Variants in FAM135B observed in about 807,000 individuals in gnomAD.
FAM135B encodes protein FAM135B.
In FAM135B, 43 loss-of-function variants were observed where a neutral mutation model predicts 127.7. The observed-to-expected ratio is 0.34, with a 90% CI of 0.26 to 0.43. The LOEUF is 0.43. Among genes scored for constraint, FAM135B ranks in the 20% least tolerant of loss-of-function variants. The pLI, the probability that FAM135B is intolerant of heterozygous loss-of-function variation, is 1.00. For missense variants in FAM135B, 1,558 were observed against 1,725.6 expected, an observed-to-expected ratio of 0.90 and a Z score of 1.72; for synonymous variants, 670 against 665.1, an observed-to-expected ratio of 1.01 and a Z score of -0.11.
chr8:138,231,097 T>A (rs1819876203), intron 7 of FAM135B, among the ~76,000 whole-genome samples: 1 of 152,140 alleles, frequency 6.6e-6, no homozygotes, highest in African/African-American at 2.4e-5. Flanking sequence ...TGGTGCAATC[T>A]CAGCTCACTG....
intron 1 of FAM135B, among the ~76,000 whole-genome samples, chr8:138,451,239 T>G (rs1337480987): frequency 1.3e-5 from 2 of 152,206 alleles, no homozygotes; most frequent in African/African-American, 2.4e-5. Flanking sequence ...TTCCCTCATA[T>G]TCTTCCAAAC....
chr8:138,312,339 A>G lies in FAM135B; in HGVS notation c.78-1419T>C, dbSNP rs1024490879. ...TTACCCTATTTTTCTCACTAAGCAC[A>G]ACAAAAGCTCTAACTGTATACAGAA... On this transcript the variant is annotated intron_variant, in intron 2 of 19. Coordinates refer to ENST00000395297, the MANE Select transcript of FAM135B (RefSeq NM_015912.4). Among the ~76,000 whole-genome samples the G allele has an allele frequency of 2.1e-4, 32 of 152,162 alleles. 1 individual carries two copies. The highest frequency in any genetic ancestry group is 6.8e-4 in the African/African-American group (28 of 41,426).
At chr8:138,285,836 G>T (rs1427163123) in intron 3 of FAM135B, among the ~76,000 whole-genome samples, 2 of 152,168 alleles carry the variant, frequency 1.3e-5, no homozygotes, top group African/African-American at 2.4e-5. Context: ...ACAGGATTTA[G>T]GTGAAAGCAA....
In FAM135B at chr8:138,355,557, T is replaced by C. The variant is rs139933221; in HGVS notation, c.77+12350A>G. Among the ~76,000 whole-genome samples the C allele has an allele frequency of 3.3e-5, 5 of 152,246 alleles. No individual in the cohort carries two copies. In the East Asian group the frequency reaches 9.7e-4, roughly 29 times the overall value. On this transcript the variant is annotated intron_variant, in intron 2 of 19. Transcript: ENST00000395297. ...ACTCTATTTGGAGACTAAACTTTTA[T>C]TATGGAAATGTGAGTGCAGTTGGTT...
chr8:138,366,869 C>T (rs1266899689), intron 2 of FAM135B, among the ~76,000 whole-genome samples: 1 of 152,128 alleles, frequency 6.6e-6, no homozygotes, highest in East Asian at 1.9e-4. Flanking sequence ...AGAAAAACAA[C>T]TTTATGCAAA....
Position 138,377,069 on chromosome 8 carries a change from ACCT to A in FAM135B, c.-19-9070_-19-9068del, listed in dbSNP as rs1430623048. On this transcript the variant is annotated intron_variant, in intron 1 of 19. Transcript: ENST00000395297. ...TTTGAAGAAATATCATAATTCCAAT[ACCT>A]CATTAGATTTTGCTTGGGAAAAAAT... is the stretch of plus-strand genomic sequence containing the variant. 8.5e-5 allele frequency among the ~76,000 whole-genome samples: 13 copies of A among 152,302 alleles called. No individual in the cohort carries two copies. The East Asian group carries it at 2.5e-3, about 29-fold the overall frequency.
chr8:138,490,566 A>G (rs986290548), intron 1 of FAM135B, among the ~76,000 whole-genome samples: 2 of 152,182 alleles, frequency 1.3e-5, no homozygotes, highest in African/African-American at 4.8e-5. Flanking sequence ...CTTCCTGTCG[A>G]AACAGCTGCA....
In FAM135B at chr8:138,253,363, T is replaced by G. The variant is rs570197617; in HGVS notation, c.369-2349A>C. 7.2e-5 allele frequency among the ~76,000 whole-genome samples: 11 copies of G among 152,304 alleles called. No homozygotes were observed. In the South Asian group the frequency reaches 2.3e-3, roughly 32 times the overall value. On this transcript the variant is annotated intron_variant, in intron 5 of 19. Transcript: ENST00000395297. ...ATATGAGGTTAGGATAAAGCAGGGT[T>G]TCCTCACCTCATAACATTGACTTTG...
At position 138,218,766 on chromosome 8, in the gene FAM135B, C is replaced by CAGAGAGAG. The variant is rs34578685; in HGVS notation, c.670-21105_670-21098dup. ...CCAAACTTACACGCACACACACACA[C>CAGAGAGAG]AGAGAGAGAGAGAGAGAGAGAGAGA... is the stretch of plus-strand genomic sequence containing the variant. On this transcript the variant is annotated intron_variant, in intron 7 of 19. Transcript: ENST00000395297. 1.6e-3 allele frequency among the ~76,000 whole-genome samples: 130 copies of CAGAGAGAG among 80,502 alleles called. 1 individual carries two copies. Among genetic ancestry groups the CAGAGAGAG allele is most frequent in the East Asian group, 2.3e-3 (4 of 1,748 alleles). 52.8% of individuals were successfully genotyped at this position (80,502 alleles called of 152,430 possible). A position where few individuals can be genotyped will look rare whatever the true frequency, so the allele number is the denominator to read the frequency against.
rs778784836 is a variant in FAM135B, at chr8:138,241,088, G to A, written c.669+1854C>T. On this transcript the variant is annotated intron_variant, in intron 7 of 19. Transcript: ENST00000395297. The surrounding 1 kb of genome is among the most constrained non-coding windows in gnomAD (Gnocchi z 4.8). ...GCTGAAGGAAGGAAGACTGGACATA[G>A]GGAGAAGCTGAACTGTGATGTAGTC... Among the ~76,000 whole-genome samples, 35 of 152,158 alleles carry A rather than the reference G, an allele frequency of 2.3e-4. No individual in the cohort carries two copies. The highest frequency in any genetic ancestry group is 4.1e-4 in the Non-Finnish European group (28 of 68,036).
chr8:138,149,062 T>A, intron 13 of FAM135B, among the ~76,000 whole-genome samples: 1 of 151,562 alleles, frequency 6.6e-6, no homozygotes, highest in Non-Finnish European at 1.5e-5. Flanking sequence ...CACACCAACA[T>A]GGCACATGTA....
At chr8:138,406,560 C>T (rs1436176516) in intron 1 of FAM135B, among the ~76,000 whole-genome samples, 1 of 151,984 alleles carries the variant, frequency 6.6e-6, no homozygotes, top group Non-Finnish European at 1.5e-5. Context: ...GCTTATCCAC[C>T]ATGATCAAGT....
chr8:138,439,447 C>A (rs186586583), intron 1 of FAM135B: 2 of 152,314 alleles, frequency 1.3e-5, no homozygotes, highest in East Asian at 3.9e-4. Flanking sequence ...GTTACAAACA[C>A]CAGTCTCATC....
chr8:138,197,765 A>G (rs1405696810), intron 7 of FAM135B, 96 bp from the exon 8 acceptor site: 3 of 1,374,090 alleles, frequency 2.2e-6, no homozygotes, highest in Admixed American at 2.0e-5. Context: ...CAACATTCAC[A>G]AAATGTTTGG....
At chr8:138,183,830 T>G (rs78265734) in intron 9 of FAM135B, among the ~76,000 whole-genome samples, 1 of 152,336 alleles carries the variant, frequency 6.6e-6, no homozygotes, top group African/African-American at 2.4e-5. Flanking sequence ...TGGGATCTAT[T>G]CTCTACCTGG....
In FAM135B at chr8:138,346,425, A is replaced by G. The variant is rs1275977205; in HGVS notation, c.77+21482T>C. 3.3e-5 allele frequency among the ~76,000 whole-genome samples: 5 copies of G among 152,234 alleles called. No homozygotes were observed. The East Asian group carries it at 9.6e-4, about 29-fold the overall frequency. The stretch of plus-strand genomic sequence containing the variant: ...AAGACGTGGAATCAACCCAAATGCC[A>G]ATCAATGATAGACTGGGTAAAGAAA... On this transcript the variant is annotated intron_variant, in intron 2 of 19. Coordinates refer to ENST00000395297, the MANE Select transcript of FAM135B (RefSeq NM_015912.4).
chr8:138,447,190 C>T (rs1224241091), intron 1 of FAM135B, among the ~76,000 whole-genome samples: 1 of 152,176 alleles, frequency 6.6e-6, no homozygotes, highest in Admixed American at 6.5e-5. Flanking sequence ...GATGGGAACA[C>T]TTTTACACTG....
chr8:138,298,128 G>A (rs539444264), intron 3 of FAM135B, among the ~76,000 whole-genome samples: 1 of 152,234 alleles, frequency 6.6e-6, no homozygotes. Flanking sequence ...ATCACATAGG[G>A]AAGATGTGAT....
rs869039075 is a variant in FAM135B, at chr8:138,344,577, C to CTTTTTTTT, written c.77+23322_77+23329dup. On this transcript the variant is annotated intron_variant, in intron 2 of 19. Transcript: ENST00000395297. ...GTCTCTTGCTACACTTTCTTTCTTT[C>CTTTTTTTT]TTTTTTTTTTTTTTTTGTTAAGGAG... Among the ~76,000 whole-genome samples, 219 of 83,928 alleles carry CTTTTTTTT rather than the reference C, an allele frequency of 2.6e-3. 1 individual carries two copies. The highest frequency in any genetic ancestry group is 3.0e-3 in the African/African-American group (78 of 25,832). 55.1% of individuals were successfully genotyped at this position (83,928 alleles called of 152,430 possible).
Sources: allele counts gnomAD v4.1 joint callset (sites outside exome capture counted in the v4.1 genomes callset), GRCh38; gene constraint gnomAD v4.1.1; non-coding constraint Gnocchi (gnomAD v3.1); transcripts MANE v1.5; gene names NCBI Gene and HGNC (gene_info 2026-07-23, HGNC 2026-07-21).